AGTPBP1: variants seen among roughly 807,000 people sequenced by gnomAD.
AGTPBP1 encodes the protein ATP/GTP binding carboxypeptidase 1, also known as cytosolic carboxypeptidase 1.
A neutral mutation model predicts 143.9 loss-of-function variants in AGTPBP1; 70 were observed. The observed-to-expected ratio is 0.49, with a 90% CI of 0.40 to 0.59. The LOEUF (loss-of-function observed/expected upper bound fraction) is 0.59. AGTPBP1 is among the 20% of genes least tolerant of loss of function. The probability of loss-of-function intolerance (pLI) is 0.00; values close to 1 mark genes in which losing one functional copy is unlikely to be tolerated. For synonymous variants in AGTPBP1, 463 were observed against 500.2 expected, an observed-to-expected ratio of 0.93 and a Z score of 0.99; for missense variants, 1,229 against 1,464.5, an observed-to-expected ratio of 0.84 and a Z score of 2.62.
intron 17 of AGTPBP1, among the ~76,000 whole-genome samples, chr9:85,607,452 G>A (rs1830056712): frequency 6.6e-6 from 1 of 152,038 alleles, no homozygotes; most frequent in African/African-American, 2.4e-5. Flanking sequence ...AATCAAATGA[G>A]GTAAACTCAG....
chr9:85,680,246 G>A (rs960570642), intron 4 of AGTPBP1, among the ~76,000 whole-genome samples: 1 of 152,080 alleles, frequency 6.6e-6, no homozygotes, highest in Non-Finnish European at 1.5e-5. Flanking sequence ...TCAGAAATGT[G>A]CTTTATATTT....
the AGTPBP1 span, among the ~76,000 whole-genome samples, chr9:85,777,362 G>A: frequency 2.6e-5 from 4 of 152,268 alleles, no homozygotes; most frequent in African/African-American, 7.2e-5. Flanking sequence ...CAGGTAGCTC[G>A]CCGATCACCC....
At chr9:85,782,696 C>T in the AGTPBP1 span, among the ~76,000 whole-genome samples, 5 of 152,132 alleles carry the variant, frequency 3.3e-5, no homozygotes, top group Admixed American at 6.5e-5. Flanking sequence ...ATAACACAGT[C>T]TAATGTCCCT....
intron 11 of AGTPBP1, among the ~76,000 whole-genome samples, chr9:85,653,202 C>T (rs970533178): frequency 6.9e-6 from 1 of 144,762 alleles, no homozygotes; most frequent in African/African-American, 2.6e-5. Context: ...CTCAGGAGTT[C>T]GAGACCAGCC....
intron 21 of AGTPBP1, 152 bp from the exon 22 acceptor site, chr9:85,587,112 T>C: frequency 1.2e-6 from 1 of 857,112 alleles, no homozygotes; most frequent in Admixed American, 3.0e-5. Flanking sequence ...CTCAACCAAA[T>C]GCATACTATA....
At chr9:85,800,379 G>A in the AGTPBP1 span, among the ~76,000 whole-genome samples, 1 of 152,166 alleles carries the variant, frequency 6.6e-6, no homozygotes, top group South Asian at 2.1e-4. Flanking sequence ...CTGTGACATG[G>A]ATAGGCTCAC....
intron 11 of AGTPBP1, among the ~76,000 whole-genome samples, chr9:85,652,092 G>A (rs1433252864): frequency 6.6e-6 from 1 of 152,158 alleles, no homozygotes; most frequent in Non-Finnish European, 1.5e-5. Context: ...TGGAACTTCA[G>A]CCCCACTCCT....
At chr9:85,775,352 G>A in the AGTPBP1 span, among the ~76,000 whole-genome samples, 1 of 151,342 alleles carries the variant, frequency 6.6e-6, no homozygotes, top group East Asian at 1.9e-4. Flanking sequence ...TGTACAAATT[G>A]TTCATAACAA....
chr9:85,748,650 C>A, the AGTPBP1 span, among the ~76,000 whole-genome samples: 1 of 152,228 alleles, frequency 6.6e-6, no homozygotes, highest in African/African-American at 2.4e-5. Context: ...TGGGCATCAT[C>A]ATTGGCTCTT....
chr9:85,718,891 C>T (rs369878843), intron 1 of AGTPBP1, among the ~76,000 whole-genome samples: 2 of 151,990 alleles, frequency 1.3e-5, no homozygotes, highest in Non-Finnish European at 2.9e-5. Context: ...ACATATGGCT[C>T]GCCAGTTTTC....
chr9:85,578,088 T>C (rs993741116), intron 24 of AGTPBP1, among the ~76,000 whole-genome samples: 2 of 152,158 alleles, frequency 1.3e-5, no homozygotes, highest in Non-Finnish European at 2.9e-5. Flanking sequence ...AGGCAAGAAA[T>C]AGAAATGCCC....
At chr9:85,695,837 T>A (rs1836196135) in intron 2 of AGTPBP1, among the ~76,000 whole-genome samples, 1 of 151,850 alleles carries the variant, frequency 6.6e-6, no homozygotes, top group Non-Finnish European at 1.5e-5. Flanking sequence ...TTTCTTTCCT[T>A]TTCTTTTACT....
the AGTPBP1 span, among the ~76,000 whole-genome samples, chr9:85,753,854 G>A: frequency 2.6e-5 from 4 of 152,012 alleles, no homozygotes; most frequent in South Asian, 2.1e-4. Context: ...ACTAGATGCC[G>A]CCCAAATGCA....
rs140237918 is a variant in AGTPBP1, at chr9:85,672,213, C to T, written c.568+337G>A. On this transcript the variant is annotated intron_variant, in intron 7 of 25. Transcript: ENST00000357081. Reference sequence around the variant, plus strand: ...AGCCTCCCAAATAGTCAGGATTAGGCGCCCACCACCATGCCCAGCTAATTT... The same window carrying T: ...AGCCTCCCAAATAGTCAGGATTAGGTGCCCACCACCATGCCCAGCTAATTT... 8.9e-3 allele frequency among the ~76,000 whole-genome samples: 1,355 copies of T among 152,098 alleles called. 11 individuals are homozygous for T. Among genetic ancestry groups the T allele is most frequent in the Non-Finnish European group, 0.015 (1,022 of 67,960 alleles).
the AGTPBP1 span, among the ~76,000 whole-genome samples, chr9:85,801,002 A>G: frequency 6.6e-6 from 1 of 152,104 alleles, no homozygotes; most frequent in Admixed American, 6.6e-5. Context: ...TGAAGTTTTA[A>G]TTTTTTAATT....
chr9:85,677,873 G>A (rs1398018027), intron 5 of AGTPBP1, among the ~76,000 whole-genome samples: 2 of 152,076 alleles, frequency 1.3e-5, no homozygotes, highest in Non-Finnish European at 2.9e-5. Flanking sequence ...GCATGGTGGC[G>A]CACACCTATA....
At chr9:85,794,226 T>C in the AGTPBP1 span, among the ~76,000 whole-genome samples, 2 of 152,202 alleles carry the variant, frequency 1.3e-5, no homozygotes, top group African/African-American at 4.8e-5. Flanking sequence ...GTATCATAAA[T>C]TGTATCTGAA....
At chr9:85,595,549 C>T (rs1288500701) in intron 18 of AGTPBP1, among the ~76,000 whole-genome samples, 3 of 152,034 alleles carry the variant, frequency 2.0e-5, no homozygotes, top group Non-Finnish European at 2.9e-5. Flanking sequence ...TATTTAGAGA[C>T]GGAGTCTTGC....
In AGTPBP1 at chr9:85,741,897, C is replaced by G; in HGVS notation, c.-156G>C. ...TTTTCATACAAACCCCGGTGGCAGG[C>G]GAGGCGGAGGCGGCGGCGGCGGCAG... On this transcript the variant is annotated 5_prime_UTR_variant, in exon 1 of 26. Transcript: ENST00000357081. 4 of 1,354,964 alleles carry G rather than the reference C, an allele frequency of 3.0e-6. No individual in the cohort carries two copies. The highest frequency in any genetic ancestry group is 3.8e-6 in the Non-Finnish European group (4 of 1,055,426). 83.9% of individuals were successfully genotyped at this position (1,354,964 alleles called of 1,614,324 possible).
Sources: gnomAD v4.1 joint callset for allele counts (sites outside exome capture counted in the v4.1 genomes callset) on GRCh38, gnomAD v4.1.1 for gene constraint, MANE v1.5 for transcripts, NCBI Gene and HGNC (gene_info 2026-07-23, HGNC 2026-07-21) for gene names.